The following RBFOX1 variants were observed in gnomAD, a reference collection of about 807,000 sequenced individuals.
RBFOX1 encodes the protein RNA binding fox-1 homolog 1.
RBFOX1 carries 8 observed loss-of-function variants against 57.7 expected under a neutral mutation model. That is an observed-to-expected ratio of 0.14 (90% CI 0.08 to 0.25). The LOEUF is 0.25. Among genes scored for constraint, RBFOX1 ranks in the 10% least tolerant of loss-of-function variants. RBFOX1 has a pLI of 1.00. For missense variants in RBFOX1, 611 were observed against 548.5 expected (o/e 1.11, Z -1.14); for synonymous variants, 326 against 222.4 (o/e 1.47, Z -4.15).
At chr16:7,520,307 A>G (rs2077261186) in intron 5 of RBFOX1, among the ~76,000 whole-genome samples, 1 of 152,162 alleles carries the variant, frequency 6.6e-6, no homozygotes, top group Admixed American at 6.5e-5. Flanking sequence ...AATCCTGTAC[A>G]CATTTCAATA....
At chr16:6,269,504 G>A (rs1861188) in intron 1 of RBFOX1, among the ~76,000 whole-genome samples, 81,011 of 152,014 alleles carry the variant, frequency 0.53, 25,033 homozygotes, top group East Asian at 0.82. Context: ...TAAAATGCAC[G>A]CCATCCTTAT....
intron 4 of RBFOX1, among the ~76,000 whole-genome samples, chr16:7,180,037 C>G (rs564660351): frequency 1.3e-5 from 2 of 152,152 alleles, no homozygotes; most frequent in African/African-American, 4.8e-5. Context: ...GCCACTGAGT[C>G]CAGACCTTCC....
At chr16:6,966,260 A>G (rs1013788792) in intron 3 of RBFOX1, among the ~76,000 whole-genome samples, 2 of 152,110 alleles carry the variant, frequency 1.3e-5, no homozygotes, top group Admixed American at 6.6e-5. Context: ...GGAGGGTAAA[A>G]TGAGCCTCCC....
At chr16:7,686,334 G>T (rs745856159) in intron 14 of RBFOX1, among the ~76,000 whole-genome samples, 1 of 151,976 alleles carries the variant, frequency 6.6e-6, no homozygotes, top group African/African-American at 2.4e-5. Context: ...ATTGGGAACC[G>T]CAAGATCAAA....
rs1396868256 is a variant in RBFOX1 at position 6,446,543 on chromosome 16, T to G, written c.-64+129486T>G. Among the ~76,000 whole-genome samples the G allele has an allele frequency of 3.9e-5, 6 of 152,312 alleles. No individual in the cohort carries two copies. The East Asian group carries it at 1.2e-3, about 29-fold the overall frequency. ...TATATATGTATCAATGCCTTCTGTA[T>G]TCAAGTGATGAATGTGGGACCCTAG... On this transcript the variant is annotated intron_variant, in intron 2 of 15. Coordinates refer to ENST00000550418, the MANE Select transcript of RBFOX1 (RefSeq NM_018723.4).
chr16:5,341,486 C>T (rs1206252861), intron 1 of RBFOX1, among the ~76,000 whole-genome samples: 1 of 152,084 alleles, frequency 6.6e-6, no homozygotes, highest in African/African-American at 2.4e-5. Flanking sequence ...TTGGAGCTGA[C>T]AGGACTTGGG....
intron 4 of RBFOX1, among the ~76,000 whole-genome samples, chr16:7,287,423 C>G (rs537211813): frequency 1.4e-4 from 21 of 152,090 alleles, no homozygotes; most frequent in Non-Finnish European, 2.8e-4. Context: ...TTTCTAGAAT[C>G]ACCATCAAAC....
At chr16:6,053,962 G>A (rs1051249732) in intron 1 of RBFOX1, among the ~76,000 whole-genome samples, 7 of 151,984 alleles carry the variant, frequency 4.6e-5, no homozygotes, top group African/African-American at 1.7e-4. Context: ...AGGCTCAGGT[G>A]GGAGGATCGC....
intron 2 of RBFOX1, among the ~76,000 whole-genome samples, chr16:6,500,194 A>C (rs534601969): frequency 1.3e-5 from 2 of 152,228 alleles, no homozygotes; most frequent in Non-Finnish European, 2.9e-5. Context: ...TCATCATGCT[A>C]CAATTAAAAG....
At chr16:5,449,481 G>A (rs1724317632) in intron 1 of RBFOX1, among the ~76,000 whole-genome samples, 2 of 152,148 alleles carry the variant, frequency 1.3e-5, no homozygotes, top group Admixed American at 6.5e-5. Context: ...ACACTACAAG[G>A]TTTGGAGAGG....
chr16:6,338,416 A>G (rs1487723980), intron 2 of RBFOX1, among the ~76,000 whole-genome samples: 1 of 152,204 alleles, frequency 6.6e-6, no homozygotes, highest in Non-Finnish European at 1.5e-5. Flanking sequence ...TAGGTTCTAA[A>G]TCAAAAACTC....
At chr16:5,516,742 G>A (rs1030794610) in intron 2 of RBFOX1, among the ~76,000 whole-genome samples, 5 of 152,004 alleles carry the variant, frequency 3.3e-5, no homozygotes, top group Non-Finnish European at 5.9e-5. Flanking sequence ...TGCTGTTCTC[G>A]AGATAGTGAG....
intron 2 of RBFOX1, among the ~76,000 whole-genome samples, chr16:5,588,571 G>T (rs1261518126): frequency 6.6e-6 from 1 of 152,148 alleles, no homozygotes; most frequent in African/African-American, 2.4e-5. Flanking sequence ...GACGTGGGCT[G>T]TTTTGTGTCT....
chr16:5,888,118 C>T (rs1044026940), intron 4 of RBFOX1, among the ~76,000 whole-genome samples: 12 of 152,202 alleles, frequency 7.9e-5, no homozygotes, highest in African/African-American at 2.9e-4. Flanking sequence ...CCACTTTCCA[C>T]TTGCTCATTC....
chr16:7,684,433 C>T (rs781582276), intron 14 of RBFOX1, among the ~76,000 whole-genome samples: 4 of 151,954 alleles, frequency 2.6e-5, no homozygotes, highest in Admixed American at 6.6e-5. Context: ...ATTATTGATA[C>T]ATTATGATGT....
chr16:5,834,769 GC>G (rs1567604326), intron 3 of RBFOX1, among the ~76,000 whole-genome samples: 57 of 126,472 alleles, frequency 4.5e-4, no homozygotes, highest in African/African-American at 1.0e-3. Context: ...ATACATACAT[GC>G]ACAGATGATA....
chr16:7,168,341 T>A (rs2079990086), intron 4 of RBFOX1, among the ~76,000 whole-genome samples: 1 of 152,150 alleles, frequency 6.6e-6, no homozygotes, highest in Admixed American at 6.5e-5. Context: ...AAGTGAAACC[T>A]TGTCTGATAT....
chr16:6,906,239 A>ACCC (rs56341827), intron 3 of RBFOX1, among the ~76,000 whole-genome samples: 7,021 of 149,566 alleles, frequency 0.047, 552 homozygotes, highest in African/African-American at 0.16. Flanking sequence ...GCAATTTATT[A>ACCC]CCCCCCCCCA....
At chr16:7,159,487 G>T (rs764112769) in intron 4 of RBFOX1, among the ~76,000 whole-genome samples, 1 of 152,198 alleles carries the variant, frequency 6.6e-6, no homozygotes, top group Non-Finnish European at 1.5e-5. Flanking sequence ...TCACTAAGGG[G>T]ACTAGTGATA....
Sources: allele counts gnomAD v4.1 joint callset (sites outside exome capture counted in the v4.1 genomes callset), GRCh38; gene constraint gnomAD v4.1.1; transcripts MANE v1.5; gene names NCBI Gene and HGNC (gene_info 2026-07-23, HGNC 2026-07-21).